Variants in ATE1 observed in about 807,000 individuals in gnomAD.
The protein encoded by ATE1 is arginyltransferase 1.
A neutral mutation model predicts 70.5 loss-of-function variants in ATE1; 36 were observed. That is an observed-to-expected ratio of 0.51 (90% CI 0.39 to 0.67). The LOEUF is 0.67. Among genes scored for constraint, ATE1 ranks in the 30% least tolerant of loss-of-function variants. ATE1 has a pLI of 0.00. For synonymous variants in ATE1, 232 were observed against 219.3 expected, an observed-to-expected ratio of 1.06 and a Z score of -0.51; for missense variants, 593 against 629.5, an observed-to-expected ratio of 0.94 and a Z score of 0.62.
chr10:121,757,156 G>C (rs1013742708), intron 11 of ATE1, among the ~76,000 whole-genome samples: 2 of 152,112 alleles, frequency 1.3e-5, no homozygotes, highest in African/African-American at 4.8e-5. Context: ...CTAGGGCAGG[G>C]AGAAAATTCC....
In ATE1 at chr10:121,911,006, T is replaced by C. The variant is rs1951401192; in HGVS notation, c.483A>G (p.Glu161=). Residue 161 remains glutamate (E), a synonymous_variant, in exon 5 of 12, where the codon GAA becomes GAG. Transcript: ENST00000224652. ...GTGACTGAAGTAATTCCTGAGGTTC[T>C]TCTTTCTTTGAATTTTTTCCTTCAC... ...LESEGKNSKK[E]EPQELLQSQD... 4 of 1,614,112 alleles carry C rather than the reference T, an allele frequency of 2.5e-6. No homozygotes were observed. Among genetic ancestry groups the C allele is most frequent in the Non-Finnish European group, 3.4e-6 (4 of 1,180,024 alleles).
At chr10:121,881,750 T>C (rs1355054728) in intron 7 of ATE1, among the ~76,000 whole-genome samples, 1 of 151,812 alleles carries the variant, frequency 6.6e-6, no homozygotes, top group Non-Finnish European at 1.5e-5. Context: ...TTATGTGGTA[T>C]AATAGATGAA....
At chr10:121,859,502 C>T (rs547726328) in intron 8 of ATE1, among the ~76,000 whole-genome samples, 41 of 152,104 alleles carry the variant, frequency 2.7e-4, no homozygotes, top group African/African-American at 9.2e-4. Flanking sequence ...GTGATCGGCC[C>T]GCCTCGGCCT....
chr10:121,765,202 C>T (rs1488738441), intron 11 of ATE1, among the ~76,000 whole-genome samples: 2 of 152,168 alleles, frequency 1.3e-5, no homozygotes, highest in Non-Finnish European at 2.9e-5. Flanking sequence ...GATGCAGAGT[C>T]CCCCAGGTAG....
In ATE1 at chr10:121,873,438, T is replaced by C. The variant is rs1413402623; in HGVS notation, c.943-3400A>G. Among the ~76,000 whole-genome samples, 3 of 152,182 alleles carry C rather than the reference T, an allele frequency of 2.0e-5. No individual in the cohort carries two copies. In the South Asian group the frequency reaches 6.2e-4, roughly 32 times the overall value. On this transcript the variant is annotated intron_variant, in intron 7 of 11. Coordinates refer to ENST00000224652, the MANE Select transcript of ATE1 (RefSeq NM_001001976.3). ...TTTACCAAGCCTGGTACCATTGTTC[T>C]ATTCATCATCGGTAGCCTGACTCAT...
intron 9 of ATE1, among the ~76,000 whole-genome samples, chr10:121,840,174 G>A (rs1303221589): frequency 6.6e-6 from 1 of 152,154 alleles, no homozygotes; most frequent in Non-Finnish European, 1.5e-5. Flanking sequence ...ACATATGTTT[G>A]CAGCCATGGA....
chr10:121,853,518 A>AT (rs980183948), intron 8 of ATE1, among the ~76,000 whole-genome samples: 2 of 152,148 alleles, frequency 1.3e-5, no homozygotes, highest in African/African-American at 4.8e-5. Context: ...CAGGCTTGGG[A>AT]TGCTCAACCA....
intron 7 of ATE1, among the ~76,000 whole-genome samples, chr10:121,892,484 C>G (rs987513518): frequency 6.9e-6 from 1 of 144,204 alleles, no homozygotes; most frequent in East Asian, 2.1e-4. Context: ...GGGTGGGACA[C>G]AAACGGTGAC....
At chr10:121,748,271 TTTAA>T (rs1297824310) in intron 11 of ATE1, among the ~76,000 whole-genome samples, 1 of 152,188 alleles carries the variant, frequency 6.6e-6, no homozygotes, top group Non-Finnish European at 1.5e-5. Flanking sequence ...AATGTCATCC[TTTAA>T]TTTTTACTCT....
chr10:121,841,011 A>T (rs796820114), intron 9 of ATE1, 71 bp downstream of exon 9: 1 of 1,264,362 alleles, frequency 7.9e-7, no homozygotes, highest in East Asian at 2.7e-5. Context: ...TACATAATTA[A>T]ATATAATCAA....
At chr10:121,764,588 T>C (rs1052389533) in intron 11 of ATE1, among the ~76,000 whole-genome samples, 1 of 152,162 alleles carries the variant, frequency 6.6e-6, no homozygotes, top group Non-Finnish European at 1.5e-5. Flanking sequence ...CAGAATATTT[T>C]TGGTATGACT....
At position 121,893,531 on chromosome 10, in the gene ATE1, T is replaced by C. The variant is rs556264327; in HGVS notation, c.942+6335A>G. Among the ~76,000 whole-genome samples, 14 of 152,160 alleles carry C rather than the reference T, an allele frequency of 9.2e-5. No homozygotes were observed. The East Asian group carries it at 2.7e-3, about 29-fold the overall frequency. On this transcript the variant is annotated intron_variant, in intron 7 of 11. Coordinates refer to ENST00000224652, the MANE Select transcript of ATE1 (RefSeq NM_001001976.3). The stretch of plus-strand genomic sequence containing the variant: ...CAACTTTATAAAAGACACAATTATA[T>C]AAAGGAATAATTATAATTATTGAAT...
intron 8 of ATE1, among the ~76,000 whole-genome samples, chr10:121,861,749 T>TG (rs1359167300): frequency 6.8e-6 from 1 of 147,978 alleles, no homozygotes; most frequent in Non-Finnish European, 1.5e-5. Context: ...TAAAGTATAA[T>TG]AAAAAAAAAA....
intron 11 of ATE1, among the ~76,000 whole-genome samples, chr10:121,787,112 A>G (rs942743356): frequency 6.6e-6 from 1 of 152,298 alleles, no homozygotes; most frequent in Admixed American, 6.5e-5. Flanking sequence ...ATAGGGGGAA[A>G]ACGTGATTTT....
At chr10:121,765,857 A>G (rs912889972) in intron 11 of ATE1, among the ~76,000 whole-genome samples, 2 of 152,160 alleles carry the variant, frequency 1.3e-5, no homozygotes, top group Non-Finnish European at 2.9e-5. Context: ...TGGCAATTTG[A>G]TAAAGTGAAT....
Position 121,927,998 on chromosome 10 carries a change from C to T in ATE1, c.-49G>A, listed in dbSNP as rs770205064. On this transcript the variant is annotated 5_prime_UTR_variant, in exon 1 of 12. Coordinates refer to ENST00000224652, the MANE Select transcript of ATE1 (RefSeq NM_001001976.3). ...GCCGCCCGGCCCCGCGTCGCTAGCG[C>T]GGCCGCCGCCGCCACCCCACAATGC... 4 of 1,399,208 alleles carry T rather than the reference C, an allele frequency of 2.9e-6. No homozygotes were observed. The highest frequency in any genetic ancestry group is 6.2e-5 in the Admixed American group (2 of 32,328). 86.7% of individuals were successfully genotyped at this position (1,399,208 alleles called of 1,614,324 possible).
At position 121,790,218 on chromosome 10, in the gene ATE1, A is replaced by G. The variant is rs771473936; in HGVS notation, c.1329T>C (p.Pro443=). 6.2e-7 allele frequency: 1 copy of G among 1,614,178 alleles called. No homozygotes were observed. Among genetic ancestry groups the G allele is most frequent in the South Asian group, 1.1e-5 (1 of 91,088 alleles). ...GGCAGTACTTGGAGTTTTCAAGTGAAGGCAGGCATTGCTCAATGGGTACCC... is the reference window on the plus strand; with the variant it reads ...GGCAGTACTTGGAGTTTTCAAGTGAGGGCAGGCATTGCTCAATGGGTACCC... ...YVWVPIEQCL[P]SLENSKYCRF... The change falls in exon 11 of 12, where the codon CCT becomes CCC. Residue 443 remains proline (P), a synonymous_variant. Coordinates refer to ENST00000224652, the MANE Select transcript of ATE1 (RefSeq NM_001001976.3).
chr10:121,758,367 C>T (rs974882828), intron 11 of ATE1, among the ~76,000 whole-genome samples: 1 of 152,128 alleles, frequency 6.6e-6, no homozygotes, highest in Non-Finnish European at 1.5e-5. Context: ...AGACTAATTT[C>T]CAAAGAATGA....
chr10:121,882,633 A>G (rs1284004278), intron 7 of ATE1, among the ~76,000 whole-genome samples: 3 of 152,354 alleles, frequency 2.0e-5, no homozygotes, highest in Admixed American at 6.5e-5. Context: ...GATGCTACTC[A>G]GCCTTCATGT....
Sources: gnomAD v4.1 joint callset for allele counts (sites outside exome capture counted in the v4.1 genomes callset) on GRCh38, gnomAD v4.1.1 for gene constraint, MANE v1.5 for transcripts, NCBI Gene and HGNC (gene_info 2026-07-23, HGNC 2026-07-21) for gene names.